MARS1: variants seen among roughly 807,000 people sequenced by gnomAD.
The protein encoded by MARS1 is methionine--tRNA ligase, cytoplasmic.
MARS1 carries 80 observed loss-of-function variants against 119.5 expected under a neutral mutation model. That is an observed-to-expected ratio of 0.67 (90% CI 0.56 to 0.81). MARS1 has a LOEUF of 0.81. Among genes scored for constraint, MARS1 ranks in the 30% least tolerant of loss-of-function variants. The pLI is 0.00. For missense variants in MARS1, 945 were observed against 1,116.5 expected, an observed-to-expected ratio of 0.85 and a Z score of 2.19; for synonymous variants, 418 against 433.4, an observed-to-expected ratio of 0.96 and a Z score of 0.44.
At chr12:57,493,633 ATAAT>A (rs1453424442) in intron 7 of MARS1, among the ~76,000 whole-genome samples, 1 of 28,030 alleles carries the variant, frequency 3.6e-5, no homozygotes, top group African/African-American at 3.5e-4. Context: ...TATATTATAT[ATAAT>A]TAATATATAA....
chr12:57,514,696 T>G, intron 15 of MARS1, 24 bp from the exon 16 acceptor site: 1 of 1,613,832 alleles, frequency 6.2e-7, no homozygotes, highest in African/African-American at 1.3e-5. Flanking sequence ...TTTTTCCACT[T>G]CTGCTTTCCT....
chr12:57,508,798 A>G (rs546463655), intron 11 of MARS1, among the ~76,000 whole-genome samples: 7 of 152,212 alleles, frequency 4.6e-5, no homozygotes, highest in Admixed American at 2.0e-4. Flanking sequence ...CTGACCTCAA[A>G]TGATTCACCC....
intron 11 of MARS1, among the ~76,000 whole-genome samples, chr12:57,507,886 G>T (rs1877294131): frequency 1.4e-5 from 2 of 146,802 alleles, no homozygotes; most frequent in South Asian, 4.3e-4. Context: ...CGGGCGGAGG[G>T]GCTCCTCACT....
intron 7 of MARS1, among the ~76,000 whole-genome samples, chr12:57,496,869 T>C (rs775267224): frequency 6.6e-6 from 1 of 152,170 alleles, no homozygotes; most frequent in Non-Finnish European, 1.5e-5. Context: ...CAGTTGGCAT[T>C]GAAGATCCTA....
At chr12:57,500,257 C>G in intron 9 of MARS1, 64 bp from the exon 10 acceptor site, 4 of 1,381,506 alleles carry the variant, frequency 2.9e-6, no homozygotes, top group Non-Finnish European at 4.1e-6. Flanking sequence ...GTTGGAGTGG[C>G]AGGAGGAAGG....
Position 57,512,729 on chromosome 12 carries a change from TCA to T in MARS1, c.1754-20_1754-19del. On this transcript the variant is annotated intron_variant, in intron 14 of 20. Coordinates refer to ENST00000262027, the MANE Select transcript of MARS1 (RefSeq NM_004990.4). ...AGGATGTGATGTGAGCAGATGGTTC[TCA>T]CTCATTCTCCTCTGTCCAGAGTACC... is the stretch of plus-strand genomic sequence containing the variant. 6.4e-7 allele frequency: 1 copy of T among 1,574,160 alleles called. No homozygotes were observed. Among genetic ancestry groups the T allele is most frequent in the East Asian group, 2.2e-5 (1 of 44,590 alleles).
intron 10 of MARS1, among the ~76,000 whole-genome samples, chr12:57,501,367 A>T (rs1427069962): frequency 6.6e-6 from 1 of 152,206 alleles, no homozygotes; most frequent in Non-Finnish European, 1.5e-5. Context: ...TGGAAAATGG[A>T]TGGCAGGGAA....
chr12:57,497,226 T>C (rs1244201567), intron 7 of MARS1, among the ~76,000 whole-genome samples: 1 of 152,168 alleles, frequency 6.6e-6, no homozygotes, highest in East Asian at 1.9e-4. Context: ...AAAGTTACGA[T>C]ATTCAGTTAT....
intron 5 of MARS1, 40 bp from the exon 6 acceptor site, chr12:57,490,167 T>A: frequency 6.3e-7 from 1 of 1,593,628 alleles, no homozygotes; most frequent in Non-Finnish European, 8.6e-7. Flanking sequence ...GCCTACCAGG[T>A]CCTTATGTTT....
rs372283342 is a variant in MARS1, at chr12:57,490,293, C to G, written c.577C>G (p.Gln193Glu). 3.2e-5 allele frequency: 52 copies of G among 1,613,248 alleles called. 1 individual carries two copies. The South Asian group carries it at 5.2e-4, about 16-fold the overall frequency. The stretch of plus-strand genomic sequence containing the variant: ...AGCTGCAGAGACTGTACTGAAACAG[C>G]AAGGTGTCCTGGCTCTCCGGCCTTA... ...QRAAETVLKQ[Q>E]GVLALRPYLQ... Residue 193 changes from glutamine (Q) to glutamate (E), a missense_variant, in exon 6 of 21, where the codon CAA becomes GAA. By Grantham distance (29) the Gln-to-Glu change is conservative (BLOSUM62 2). Transcript: ENST00000262027.
intron 18 of MARS1, 138 bp from the exon 19 acceptor site, chr12:57,515,782 A>G: frequency 4.3e-6 from 3 of 697,258 alleles, no homozygotes; most frequent in Non-Finnish European, 7.5e-6. Context: ...AATTTCCTAA[A>G]ATCAGCAGAT....
At chr12:57,509,224 G>A (rs958262969) in intron 11 of MARS1, among the ~76,000 whole-genome samples, 3 of 151,706 alleles carry the variant, frequency 2.0e-5, no homozygotes, top group Non-Finnish European at 4.4e-5. Context: ...CTTAATTTGT[G>A]GCATAAAAAA....
rs914111046 is a variant in MARS1 at position 57,500,615 on chromosome 12, A to G, written c.1293+93A>G. 8.9e-6 allele frequency: 11 copies of G among 1,239,958 alleles called. No homozygotes were observed. In the African/African-American group the frequency reaches 1.5e-4, roughly 17 times the overall value. 76.8% of individuals were successfully genotyped at this position (1,239,958 alleles called of 1,614,324 possible). A position where few individuals can be genotyped will look rare whatever the true frequency, so the allele number is the denominator to read the frequency against. ...TCCCATTTAGGATTTTTATTTTAGC[A>G]TTCTAGACCTTTAACCAGTGGCCCT... On this transcript the variant is annotated intron_variant, in intron 10 of 20. Coordinates refer to ENST00000262027, the MANE Select transcript of MARS1 (RefSeq NM_004990.4).
At chr12:57,504,892 CA>C (rs1464145350) in intron 11 of MARS1, among the ~76,000 whole-genome samples, 1 of 151,228 alleles carries the variant, frequency 6.6e-6, no homozygotes, top group African/African-American at 2.4e-5. Context: ...TTAGTAGAGA[CA>C]GGGTTTTGCC....
chr12:57,508,699 A>AGGTAGAGGGTAGAGGGTAGAG (rs1555167935), intron 11 of MARS1, among the ~76,000 whole-genome samples: 139 of 145,764 alleles, frequency 9.5e-4, no homozygotes, highest in Middle Eastern at 3.4e-3. Flanking sequence ...GTAGAGGTAG[A>AGGTAGAGGGTAGAGGGTAGAG]GGTAGAGGGT....
rs368028253 is a variant in MARS1 at position 57,515,974 on chromosome 12, C to G, written c.2446C>G (p.Arg816Gly). Residue 816 changes from arginine (R) to glycine (G), a missense_variant, in exon 19 of 21, where the codon CGC becomes GGC. By Grantham distance (125) the Arg-to-Gly change is moderately radical. Coordinates refer to ENST00000262027, the MANE Select transcript of MARS1 (RefSeq NM_004990.4). ...ENDQIESLRQRFGGGQAKTSP... is the reference protein window; with the variant it reads ...ENDQIESLRQGFGGGQAKTSP... ...TGACCAGATTGAAAGTTTAAGGCAG[C>G]GCTTTGGAGGGGGCCAGGTGAGAAA... The G allele has an allele frequency of 6.2e-7, 1 of 1,614,080 alleles. No homozygotes were observed. Among genetic ancestry groups the G allele is most frequent in the East Asian group, 2.2e-5 (1 of 44,884 alleles).
chr12:57,516,595 A>C lies in MARS1; in HGVS notation c.*14A>C. The stretch of plus-strand genomic sequence containing the variant: ...AAGAAAAAGTAAAAGACCTTGGCTC[A>C]TAGAAAGTCACTTTAATAGATAGGG... On this transcript the variant is annotated 3_prime_UTR_variant, in exon 21 of 21. Transcript: ENST00000262027. 1 of 1,560,274 alleles carries C rather than the reference A, an allele frequency of 6.4e-7. No homozygotes were observed. Among genetic ancestry groups the C allele is most frequent in the Non-Finnish European group, 8.6e-7 (1 of 1,160,330 alleles).
At chr12:57,492,162 C>G (rs1876000582) in intron 7 of MARS1, among the ~76,000 whole-genome samples, 1 of 151,458 alleles carries the variant, frequency 6.6e-6, no homozygotes, top group Non-Finnish European at 1.5e-5. Context: ...ACTTGTAGTC[C>G]CAGCTACTCG....
At chr12:57,506,512 T>G (rs1013670610) in intron 11 of MARS1, among the ~76,000 whole-genome samples, 1 of 152,210 alleles carries the variant, frequency 6.6e-6, no homozygotes, top group Non-Finnish European at 1.5e-5. Flanking sequence ...TATGCATTCT[T>G]GGTTGGAATA....
Sources: allele counts gnomAD v4.1 joint callset (sites outside exome capture counted in the v4.1 genomes callset), GRCh38; gene constraint gnomAD v4.1.1; transcripts MANE v1.5; gene names NCBI Gene and HGNC (gene_info 2026-07-23, HGNC 2026-07-21).